Variants in PHF21A observed in about 807,000 individuals in gnomAD.
PHF21A encodes the protein BHC80a.
In PHF21A, 11 loss-of-function variants were observed where a neutral mutation model predicts 82.5. The observed-to-expected ratio is 0.13, with a 90% CI of 0.08 to 0.22. The LOEUF is 0.22. Among genes scored for constraint, PHF21A ranks in the 10% least tolerant of loss-of-function variants. The pLI, the probability that PHF21A is intolerant of heterozygous loss-of-function variation, is 1.00. For synonymous variants in PHF21A, 297 were observed against 302.8 expected, an observed-to-expected ratio of 0.98 and a Z score of 0.20; for missense variants, 579 against 837.8, an observed-to-expected ratio of 0.69 and a Z score of 3.81.
At chr11:46,008,971 C>CTTTTTTTT (rs368337006) in intron 6 of PHF21A, among the ~76,000 whole-genome samples, 2 of 111,584 alleles carry the variant, frequency 1.8e-5, no homozygotes, top group African/African-American at 3.5e-5. Context: ...TCACATTTCA[C>CTTTTTTTT]TTTTTTTTTT....
chr11:45,953,099 G>A (rs762053708), intron 11 of PHF21A, among the ~76,000 whole-genome samples: 12 of 152,120 alleles, frequency 7.9e-5, no homozygotes, highest in Non-Finnish European at 1.5e-4. Flanking sequence ...TAACAAAAAC[G>A]CACACTTAAC....
At chr11:46,048,713 G>A (rs568606618) in intron 6 of PHF21A, among the ~76,000 whole-genome samples, 2 of 152,118 alleles carry the variant, frequency 1.3e-5, no homozygotes, top group South Asian at 4.2e-4. Flanking sequence ...GAGGCTGCAG[G>A]GAGTCAAGAT....
chr11:46,107,452 C>G (rs1362501969), intron 1 of PHF21A, among the ~76,000 whole-genome samples: 1 of 152,166 alleles, frequency 6.6e-6, no homozygotes, highest in African/African-American at 2.4e-5. Context: ...ATGAATGCTA[C>G]CAATGAGAAA....
At chr11:46,024,877 C>T (rs1381144596) in intron 6 of PHF21A, among the ~76,000 whole-genome samples, 1 of 152,164 alleles carries the variant, frequency 6.6e-6, no homozygotes, top group Non-Finnish European at 1.5e-5. Flanking sequence ...CCCTTAATTT[C>T]CCTTTTCTAT....
chr11:46,101,918 C>A (rs1050692619), intron 1 of PHF21A, among the ~76,000 whole-genome samples: 1 of 150,852 alleles, frequency 6.6e-6, no homozygotes, highest in African/African-American at 2.4e-5. Flanking sequence ...GAAGCAGTGG[C>A]GCAATCTCGG....
intron 1 of PHF21A, among the ~76,000 whole-genome samples, chr11:46,094,736 A>AAT (rs2096970660): frequency 6.6e-6 from 1 of 152,120 alleles, no homozygotes; most frequent in Admixed American, 6.5e-5. Context: ...CTCTACTAAA[A>AAT]ATACAAAAAA....
At chr11:45,965,059 T>C (rs1290569980) in intron 10 of PHF21A, among the ~76,000 whole-genome samples, 1 of 152,178 alleles carries the variant, frequency 6.6e-6, no homozygotes, top group Non-Finnish European at 1.5e-5. Flanking sequence ...AATTTCCACA[T>C]CAGAACCACC....
At chr11:45,982,306 A>C (rs577198454) in intron 6 of PHF21A, among the ~76,000 whole-genome samples, 2 of 152,102 alleles carry the variant, frequency 1.3e-5, no homozygotes, top group East Asian at 3.8e-4. Context: ...TCAGACAACT[A>C]AAATATCATA....
At chr11:46,114,863 C>G (rs1157368834) in intron 1 of PHF21A, among the ~76,000 whole-genome samples, 1 of 152,176 alleles carries the variant, frequency 6.6e-6, no homozygotes, top group Non-Finnish European at 1.5e-5. Context: ...ATTCTCAATG[C>G]AGCCAAAACA....
At chr11:46,021,104 G>A (rs904820127) in intron 6 of PHF21A, among the ~76,000 whole-genome samples, 4 of 151,848 alleles carry the variant, frequency 2.6e-5, no homozygotes, top group African/African-American at 4.8e-5. Context: ...CTACCACTCA[G>A]GTGGGAGTGC....
intron 10 of PHF21A, among the ~76,000 whole-genome samples, chr11:45,963,833 C>T (rs1362073688): frequency 6.6e-6 from 1 of 152,184 alleles, no homozygotes; most frequent in Non-Finnish European, 1.5e-5. Flanking sequence ...GAGCATCTGA[C>T]TCTCAGTAGT....
intron 6 of PHF21A, among the ~76,000 whole-genome samples, chr11:46,076,070 A>G (rs1056528306): frequency 7.9e-5 from 12 of 152,232 alleles, no homozygotes; most frequent in African/African-American, 2.9e-4. Context: ...GGATTACCAT[A>G]AACATTTACT....
intron 6 of PHF21A, among the ~76,000 whole-genome samples, chr11:45,995,494 C>T (rs2094875556): frequency 6.6e-6 from 1 of 152,088 alleles, no homozygotes; most frequent in Non-Finnish European, 1.5e-5. Flanking sequence ...CCTCTACTCC[C>T]GGGTTTATAA....
At position 45,966,838 on chromosome 11, in the gene PHF21A, C is replaced by T. The variant is rs2093467104; in HGVS notation, c.703-1230G>A. 2.0e-5 allele frequency among the ~76,000 whole-genome samples: 3 copies of T among 152,154 alleles called. No individual in the cohort carries two copies. The South Asian group carries it at 6.2e-4, about 32-fold the overall frequency. On this transcript the variant is annotated intron_variant, in intron 9 of 18. Transcript: ENST00000676320. ...TTCACCATGTTGGCCAGGATGGTAT[C>T]AATCTTCTGACCTCGGGATCCACCC... is the stretch of plus-strand genomic sequence containing the variant.
In PHF21A at chr11:46,121,260, G is replaced by C. The variant is rs1257525719; in HGVS notation, c.-562C>G. 2 of 152,456 alleles carry C rather than the reference G, an allele frequency of 1.3e-5. No individual in the cohort carries two copies. Among genetic ancestry groups the C allele is most frequent in the Admixed American group, 6.6e-5 (1 of 15,230 alleles). The allele number at this position is 152,456 out of a possible 1,614,324, so 9.4% of individuals were successfully genotyped here. A position where few individuals can be genotyped will look rare whatever the true frequency, so the allele number is the denominator to read the frequency against. ...AGGGGGGGTGGGGAGGAGGGGGTTG[G>C]GGGGAGGAACTGGATCCTCCTCCTC... On this transcript the variant is annotated 5_prime_UTR_variant, in exon 1 of 19. Transcript: ENST00000676320.
intron 6 of PHF21A, among the ~76,000 whole-genome samples, chr11:46,035,451 A>G (rs77931661): frequency 6.6e-6 from 1 of 152,154 alleles, no homozygotes; most frequent in African/African-American, 2.4e-5. Context: ...CTTAATGTAC[A>G]TATTCAGTAC....
chr11:46,090,345 T>A (rs1187301083), intron 3 of PHF21A, 110 bp downstream of exon 3: 1 of 152,158 alleles, frequency 6.6e-6, no homozygotes, highest in African/African-American at 2.4e-5. Flanking sequence ...AGTCTCAGCA[T>A]AACCAATAAA....
chr11:46,069,361 T>A (rs1428501285), intron 6 of PHF21A, among the ~76,000 whole-genome samples: 1 of 152,226 alleles, frequency 6.6e-6, no homozygotes, highest in African/African-American at 2.4e-5. Flanking sequence ...TCTTAGGAAA[T>A]TCCTAGGCTC....
intron 4 of PHF21A, among the ~76,000 whole-genome samples, chr11:46,079,861 AAGGAAAGGAAAG>A (rs1047090248): frequency 8.5e-5 from 13 of 152,172 alleles, no homozygotes; most frequent in Middle Eastern, 3.4e-3. Flanking sequence ...GAGGAAAGGA[AAGGAAAGGAAAG>A]AGGAAAGGAA....
Sources: allele counts gnomAD v4.1 joint callset (sites outside exome capture counted in the v4.1 genomes callset), GRCh38; gene constraint gnomAD v4.1.1; transcripts MANE v1.5; gene names NCBI Gene and HGNC (gene_info 2026-07-23, HGNC 2026-07-21).